OSBPL9: variants seen among roughly 807,000 people sequenced by gnomAD.
OSBPL9 encodes the protein oxysterol binding protein like 9.
OSBPL9 carries 40 observed loss-of-function variants against 106.6 expected under a neutral mutation model. That is an observed-to-expected ratio of 0.38 (90% CI 0.29 to 0.49). OSBPL9 has a LOEUF of 0.49. OSBPL9 is among the 20% of genes least tolerant of loss of function. The pLI is 0.97. For synonymous variants in OSBPL9, 269 were observed against 295.4 expected (o/e 0.91, Z 0.92); for missense variants, 609 against 887.2 (o/e 0.69, Z 3.98).
chr1:51,612,994 C>A (rs551019928), upstream of OSBPL9, among the ~76,000 whole-genome samples: 201 of 152,292 alleles, frequency 1.3e-3, no homozygotes, highest in Middle Eastern at 0.014. Context: ...TAGTACAAAT[C>A]TTGAAGGATT....
intron 1 of OSBPL9, among the ~76,000 whole-genome samples, chr1:51,620,626 G>A (rs907315805): frequency 2.0e-5 from 3 of 152,122 alleles, no homozygotes; most frequent in African/African-American, 4.8e-5. Flanking sequence ...GTTTTTTGGA[G>A]GAGAGAAGAG....
chr1:51,712,629 C>T (rs2148890342), intron 3 of OSBPL9, among the ~76,000 whole-genome samples: 1 of 151,954 alleles, frequency 6.6e-6, no homozygotes, highest in East Asian at 1.9e-4. Context: ...TTTTATAAAT[C>T]TAAGTGGAAA....
intron 15 of OSBPL9, among the ~76,000 whole-genome samples, chr1:51,777,326 A>G (rs1462257581): frequency 6.6e-6 from 1 of 152,248 alleles, no homozygotes; most frequent in South Asian, 2.1e-4. Flanking sequence ...AGGAAAAGTC[A>G]TGTCTGCCCT....
chr1:51,781,039 C>T, intron 15 of OSBPL9, 125 bp from the exon 16 acceptor site: 1 of 702,656 alleles, frequency 1.4e-6, no homozygotes, highest in East Asian at 2.7e-5. Context: ...AAACTGTAAG[C>T]TAACTCCTGG....
At chr1:51,741,873 T>C (rs757361462) in intron 4 of OSBPL9, among the ~76,000 whole-genome samples, 3 of 152,106 alleles carry the variant, frequency 2.0e-5, no homozygotes, top group Non-Finnish European at 4.4e-5. Flanking sequence ...CTCACATCAG[T>C]GTAATAAACC....
chr1:51,777,637 T>C (rs535613593), intron 15 of OSBPL9, among the ~76,000 whole-genome samples: 1 of 151,946 alleles, frequency 6.6e-6, no homozygotes, highest in African/African-American at 2.4e-5. Context: ...AATATATATT[T>C]TTTTTTTCTT....
chr1:51,769,989 G>A (rs72900017), intron 12 of OSBPL9, among the ~76,000 whole-genome samples: 5,388 of 152,078 alleles, frequency 0.035, 199 homozygotes, highest in Middle Eastern at 0.088. Flanking sequence ...TTTTTTTTGA[G>A]ACAGAGGGTC....
Position 51,584,650 on chromosome 1 carries a change from A to G in OSBPL9, c.-423+7394A>G, listed in dbSNP as rs141842451. On this transcript the variant is annotated intron_variant, in intron 1 of 25. Coordinates refer to the OSBPL9 transcript ENST00000371714. ...AGAATCGCTTGAACCTGTGAGGCAG[A>G]GGTTGCAGTGAGCCGAGATCGCGCC... Among the ~76,000 whole-genome samples, 993 of 152,320 alleles carry G rather than the reference A, an allele frequency of 6.5e-3. 6 individuals are homozygous for G. Among genetic ancestry groups the G allele is most frequent in the African/African-American group, 0.023 (966 of 41,570 alleles).
At chr1:51,634,966 A>G (rs1380427559) in intron 1 of OSBPL9, among the ~76,000 whole-genome samples, 1 of 152,224 alleles carries the variant, frequency 6.6e-6, no homozygotes, top group Non-Finnish European at 1.5e-5. Flanking sequence ...AACTGGCCCT[A>G]TGATTCAATT....
At chr1:51,528,620 C>A in the OSBPL9 span, among the ~76,000 whole-genome samples, 2 of 151,906 alleles carry the variant, frequency 1.3e-5, no homozygotes, top group Non-Finnish European at 2.9e-5. Context: ...CTCTGTAACC[C>A]CAGCACTTTG....
At chr1:51,553,833 C>T in the OSBPL9 span, among the ~76,000 whole-genome samples, 1 of 152,184 alleles carries the variant, frequency 6.6e-6, no homozygotes, top group Non-Finnish European at 1.5e-5. Flanking sequence ...CATCCGCCAC[C>T]ACACCTGGCT....
At chr1:51,660,798 G>A (rs1557653743) in intron 2 of OSBPL9, among the ~76,000 whole-genome samples, 1 of 152,080 alleles carries the variant, frequency 6.6e-6, no homozygotes, top group Non-Finnish European at 1.5e-5. Flanking sequence ...GTTCCTCCAG[G>A]GCATAGACAT....
rs777223655 is a variant in OSBPL9, at chr1:51,761,857, A to G, written c.674-10A>G. The G allele has an allele frequency of 4.4e-6, 7 of 1,594,674 alleles. No homozygotes were observed. The highest frequency in any genetic ancestry group is 6.0e-6 in the Non-Finnish European group (7 of 1,162,670). On this transcript the variant is annotated splice_polypyrimidine_tract_variant and intron_variant, in intron 10 of 23. Transcript: ENST00000428468. ...TTCTGTACCTTATTTTATACGTTCA[A>G]ATCTCCTAGAACCTGTTCAGTTGTG...
chr1:51,625,882 A>T (rs1644737757), intron 1 of OSBPL9, among the ~76,000 whole-genome samples: 1 of 152,240 alleles, frequency 6.6e-6, no homozygotes, highest in African/African-American at 2.4e-5. Context: ...GTTACATGGG[A>T]TGATATAAAT....
At chr1:51,633,683 A>G (rs1645250026) in intron 1 of OSBPL9, among the ~76,000 whole-genome samples, 1 of 152,170 alleles carries the variant, frequency 6.6e-6, no homozygotes, top group Non-Finnish European at 1.5e-5. Context: ...GTGCAGGGGC[A>G]TGATCATGGT....
chr1:51,520,869 G>A, the OSBPL9 span, among the ~76,000 whole-genome samples: 3 of 152,254 alleles, frequency 2.0e-5, no homozygotes, highest in Non-Finnish European at 4.4e-5. Context: ...ACTTATTCAA[G>A]AGCATCTTCC....
At chr1:51,582,416 C>G (rs766677532) in intron 1 of OSBPL9, among the ~76,000 whole-genome samples, 1 of 152,208 alleles carries the variant, frequency 6.6e-6, no homozygotes, top group Non-Finnish European at 1.5e-5. Context: ...CAACCTCCAC[C>G]TCCTGGGTTC....
chr1:51,686,051 GTGGAGA>G (rs997094297), intron 3 of OSBPL9, among the ~76,000 whole-genome samples: 4 of 152,262 alleles, frequency 2.6e-5, no homozygotes, highest in African/African-American at 9.6e-5. Flanking sequence ...TTTAAATCAA[GTGGAGA>G]TGGGTGTCAG....
intron 4 of OSBPL9, among the ~76,000 whole-genome samples, chr1:51,741,696 A>C (rs1666959245): frequency 6.6e-6 from 1 of 151,214 alleles, no homozygotes; most frequent in Non-Finnish European, 1.5e-5. Context: ...TTCTTTACAT[A>C]GGTTTCTAAA....
Sources: allele counts gnomAD v4.1 joint callset (sites outside exome capture counted in the v4.1 genomes callset), GRCh38; gene constraint gnomAD v4.1.1; transcripts MANE v1.5; gene names NCBI Gene and HGNC (gene_info 2026-07-23, HGNC 2026-07-21).